CNTN3: variants seen among roughly 807,000 people sequenced by gnomAD.
CNTN3 encodes contactin-3.
CNTN3 carries 60 observed loss-of-function variants against 119.1 expected under a neutral mutation model. That is an observed-to-expected ratio of 0.50 (90% CI 0.41 to 0.62). The LOEUF (loss-of-function observed/expected upper bound fraction) is 0.62. Among genes scored for constraint, CNTN3 ranks in the 20% least tolerant of loss-of-function variants. CNTN3 has a pLI of 0.00. For synonymous variants in CNTN3, 450 were observed against 438.7 expected, an observed-to-expected ratio of 1.03 and a Z score of -0.32; for missense variants, 1,101 against 1,242.4, an observed-to-expected ratio of 0.89 and a Z score of 1.71.
At chr3:74,437,782 T>C (rs1321892682) in intron 4 of CNTN3, among the ~76,000 whole-genome samples, 1 of 152,116 alleles carries the variant, frequency 6.6e-6, no homozygotes, top group Non-Finnish European at 1.5e-5. Context: ...GGCAAGAGCA[T>C]GAATCACATT....
chr3:74,516,002 C>G (rs1041202998), intron 2 of CNTN3, among the ~76,000 whole-genome samples: 5 of 151,946 alleles, frequency 3.3e-5, no homozygotes, highest in African/African-American at 9.7e-5. Flanking sequence ...TCTTACCCAC[C>G]ACCAAGGAGG....
intron 5 of CNTN3, among the ~76,000 whole-genome samples, chr3:74,374,164 T>G (rs1342092161): frequency 1.3e-5 from 2 of 152,152 alleles, no homozygotes; most frequent in Non-Finnish European, 1.5e-5. Flanking sequence ...CTCAGAACTG[T>G]GCTGCAGTCT....
intron 5 of CNTN3, among the ~76,000 whole-genome samples, chr3:74,416,405 T>C (rs1228062317): frequency 1.3e-5 from 2 of 152,122 alleles, no homozygotes; most frequent in Non-Finnish European, 2.9e-5. Context: ...AAATAAGAGA[T>C]ACAGAGGTTA....
chr3:74,477,598 G>A (rs902331046), intron 4 of CNTN3, among the ~76,000 whole-genome samples: 3 of 152,088 alleles, frequency 2.0e-5, no homozygotes, highest in Non-Finnish European at 4.4e-5. Flanking sequence ...GGGATTAGGG[G>A]TGGTTAGGGA....
intron 11 of CNTN3, among the ~76,000 whole-genome samples, chr3:74,353,197 G>A (rs1703856041): frequency 6.6e-6 from 1 of 151,478 alleles, no homozygotes; most frequent in Non-Finnish European, 1.5e-5. Flanking sequence ...GATAGTGACA[G>A]AGTTTCTAGA....
At chr3:74,394,924 T>C (rs1019541269) in intron 5 of CNTN3, among the ~76,000 whole-genome samples, 2 of 152,192 alleles carry the variant, frequency 1.3e-5, no homozygotes, top group Non-Finnish European at 2.9e-5. Context: ...AATATGACTC[T>C]TTTATTGTAC....
chr3:74,287,057 G>T (rs1171952577), intron 19 of CNTN3, among the ~76,000 whole-genome samples: 1 of 152,154 alleles, frequency 6.6e-6, no homozygotes, highest in Non-Finnish European at 1.5e-5. Flanking sequence ...TTGAATTGTT[G>T]AATGACCTGA....
At chr3:74,315,860 AG>A (rs1251986409) in intron 13 of CNTN3, among the ~76,000 whole-genome samples, 1 of 152,214 alleles carries the variant, frequency 6.6e-6, no homozygotes, top group African/African-American at 2.4e-5. Flanking sequence ...TAAAAATCCT[AG>A]GAAACACCCT....
intron 1 of CNTN3, among the ~76,000 whole-genome samples, chr3:74,564,387 G>A (rs1438514399): frequency 2.0e-5 from 3 of 151,992 alleles, no homozygotes; most frequent in Admixed American, 6.6e-5. Context: ...TAGAATATAA[G>A]CCTTTTCAAT....
intron 4 of CNTN3, among the ~76,000 whole-genome samples, chr3:74,440,839 T>G (rs1431190755): frequency 6.6e-6 from 1 of 152,194 alleles, no homozygotes; most frequent in Non-Finnish European, 1.5e-5. Context: ...TATAAAGCAT[T>G]ACATTTATTA....
chr3:74,475,816 C>T (rs1431557552), intron 4 of CNTN3, among the ~76,000 whole-genome samples: 1 of 152,150 alleles, frequency 6.6e-6, no homozygotes, highest in African/African-American at 2.4e-5. Context: ...TTCACAGGTA[C>T]GTGCAGAGTG....
At chr3:74,310,787 G>A (rs561993979) in intron 13 of CNTN3, among the ~76,000 whole-genome samples, 8 of 152,294 alleles carry the variant, frequency 5.3e-5, no homozygotes, top group African/African-American at 1.7e-4. Context: ...AAGTCATGCT[G>A]CAGTAAGAGC....
At chr3:74,395,366 TACACACACACATAC>T (rs1171343319) in intron 5 of CNTN3, among the ~76,000 whole-genome samples, 1 of 134,716 alleles carries the variant, frequency 7.4e-6, no homozygotes, top group East Asian at 2.7e-4. Flanking sequence ...TATATCTTTA[TACACACACACATAC>T]ACACACACAC....
intron 11 of CNTN3, among the ~76,000 whole-genome samples, chr3:74,338,263 G>A (rs572841116): frequency 6.6e-6 from 1 of 152,158 alleles, no homozygotes; most frequent in Non-Finnish European, 1.5e-5. Context: ...AGACTAGAAT[G>A]AAGGATCTCA....
At position 74,569,363 on chromosome 3, in the gene CNTN3, G is replaced by A. The variant is rs563546773; in HGVS notation, c.-81+45028C>T. The stretch of plus-strand genomic sequence containing the variant: ...TACCACAGAATGGAACAAACTATGG[G>A]GTGTAATCTACACTCCAGAGATCCC... On this transcript the variant is annotated intron_variant, in intron 1 of 22. Transcript: ENST00000263665. Among the ~76,000 whole-genome samples the A allele has an allele frequency of 2.0e-5, 3 of 151,004 alleles. No homozygotes were observed. The East Asian group carries it at 5.9e-4, about 30-fold the overall frequency.
intron 4 of CNTN3, among the ~76,000 whole-genome samples, chr3:74,433,841 T>C (rs887655643): frequency 6.6e-6 from 1 of 152,222 alleles, no homozygotes; most frequent in Non-Finnish European, 1.5e-5. Flanking sequence ...AAATTATTGC[T>C]GTTCTTTCTT....
chr3:74,295,289 AAC>A (rs1702316263), intron 18 of CNTN3, 53 bp from the exon 19 acceptor site: 1 of 927,882 alleles, frequency 1.1e-6, no homozygotes, highest in Admixed American at 1.9e-5. Flanking sequence ...GTTAGTTTAA[AAC>A]ACAGATTAAT....
chr3:74,570,726 T>A (rs1038591101), intron 1 of CNTN3, among the ~76,000 whole-genome samples: 2 of 152,208 alleles, frequency 1.3e-5, no homozygotes, highest in African/African-American at 4.8e-5. Context: ...GGTCTCAATT[T>A]CTGAGGTCTT....
At chr3:74,466,186 G>C (rs893314769) in intron 4 of CNTN3, among the ~76,000 whole-genome samples, 2 of 152,174 alleles carry the variant, frequency 1.3e-5, no homozygotes, top group Non-Finnish European at 2.9e-5. Flanking sequence ...GGGAGGGCAA[G>C]TGAGTCACAC....
Sources: gnomAD v4.1 joint callset for allele counts (sites outside exome capture counted in the v4.1 genomes callset) on GRCh38, gnomAD v4.1.1 for gene constraint, MANE v1.5 for transcripts, NCBI Gene and HGNC (gene_info 2026-07-23, HGNC 2026-07-21) for gene names.